Variants in MXI1 observed in about 807,000 individuals in gnomAD.
The protein encoded by MXI1 is MAX interactor 1, dimerization protein, also known as max-interacting protein 1.
In MXI1, 18 loss-of-function variants were observed where a neutral mutation model predicts 36.9. That is an observed-to-expected ratio of 0.49 (90% confidence interval 0.34 to 0.72). The LOEUF is 0.72. Ranked by LOEUF, MXI1 falls within the 30% of genes least tolerant of loss-of-function variation. The pLI is 0.01. For missense variants in MXI1, 304 were observed against 379.1 expected (o/e 0.80, Z 1.64); for synonymous variants, 160 against 146.7 (o/e 1.09, Z -0.65).
At chr10:110,268,691 G>A (rs1365450652) in intron 3 of MXI1, among the ~76,000 whole-genome samples, 1 of 151,892 alleles carries the variant, frequency 6.6e-6, no homozygotes, top group Non-Finnish European at 1.5e-5. Flanking sequence ...GCCAGGTGTT[G>A]TGTTATGCTA....
At chr10:110,221,946 G>T (rs1854820731) in intron 1 of MXI1, among the ~76,000 whole-genome samples, 1 of 152,192 alleles carries the variant, frequency 6.6e-6, no homozygotes, top group African/African-American at 2.4e-5. Flanking sequence ...TACCTCTCGG[G>T]TTTAGCATTA....
chr10:110,226,412 A>C (rs1381559639), intron 1 of MXI1: 8 of 675,288 alleles, frequency 1.2e-5, no homozygotes, highest in Non-Finnish European at 1.4e-5. Context: ...ATGTGAGGGG[A>C]GGGGTGTGCG....
intron 3 of MXI1, among the ~76,000 whole-genome samples, chr10:110,260,419 GT>G (rs1564720399): frequency 6.0e-3 from 49 of 8,126 alleles, no homozygotes; most frequent in East Asian, 0.077. Flanking sequence ...TGATACAGGT[GT>G]GTGTGTGTGT....
intron 2 of MXI1, among the ~76,000 whole-genome samples, chr10:110,234,587 A>G (rs1855391313): frequency 1.3e-5 from 2 of 152,060 alleles, no homozygotes; most frequent in South Asian, 4.1e-4. Flanking sequence ...TTTTTCCCCC[A>G]ACAGTTATTT....
chr10:110,285,120 C>G lies in MXI1; in HGVS notation c.*133C>G, dbSNP rs1348460070. ...AAAACAAAACAAAACTATACTTGAA[C>G]AAAAGGGTCAGAGGACCTGTATTTA... On this transcript the variant is annotated 3_prime_UTR_variant, in exon 6 of 6. Transcript: ENST00000332674. 1.1e-6 allele frequency: 1 copy of G among 894,592 alleles called. No homozygotes were observed. Among genetic ancestry groups the G allele is most frequent in the African/African-American group, 1.7e-5 (1 of 57,708 alleles). 55.4% of individuals were successfully genotyped at this position (894,592 alleles called of 1,614,324 possible). A position where few individuals can be genotyped will look rare whatever the true frequency, so the allele number is the denominator to read the frequency against.
intron 3 of MXI1, among the ~76,000 whole-genome samples, chr10:110,272,618 C>G (rs960580107): frequency 1.3e-5 from 2 of 151,892 alleles, no homozygotes; most frequent in Admixed American, 1.3e-4. Context: ...TGCATCTCAA[C>G]CATTTTAATT....
At chr10:110,235,784 GC>G (rs1233138264) in intron 2 of MXI1, among the ~76,000 whole-genome samples, 5 of 151,966 alleles carry the variant, frequency 3.3e-5, no homozygotes, top group African/African-American at 1.2e-4. Context: ...GCCGAGGCAG[GC>G]GGATCATGAG....
chr10:110,211,478 G>A (rs1854514682), intron 1 of MXI1, among the ~76,000 whole-genome samples: 1 of 152,236 alleles, frequency 6.6e-6, no homozygotes, highest in South Asian at 2.1e-4. Context: ...TCCATTTCGG[G>A]TTCGGTGAGA....
intron 1 of MXI1, among the ~76,000 whole-genome samples, chr10:110,210,042 C>T (rs1174248470): frequency 2.9e-5 from 4 of 138,572 alleles, no homozygotes; most frequent in Admixed American, 7.0e-5. Flanking sequence ...CCCCACCCCC[C>T]ACCCCCCACC....
chr10:110,277,541 A>G (rs968220196), intron 3 of MXI1, among the ~76,000 whole-genome samples: 6 of 152,208 alleles, frequency 3.9e-5, no homozygotes, highest in Non-Finnish European at 8.8e-5. Context: ...AAATTTTGTT[A>G]AAGGTTCTAT....
chr10:110,228,114 G>C (rs1360880333), intron 1 of MXI1, 75 bp from the exon 2 acceptor site: 2 of 1,545,040 alleles, frequency 1.3e-6, no homozygotes, highest in African/African-American at 2.7e-5. Flanking sequence ...TTACTGCAAA[G>C]ACCTCGGATT....
intron 2 of MXI1, among the ~76,000 whole-genome samples, chr10:110,241,770 T>C (rs573154344): frequency 1.3e-5 from 2 of 151,974 alleles, no homozygotes; most frequent in Non-Finnish European, 2.9e-5. Flanking sequence ...ATAATTTTAG[T>C]CTTTTAAAAA....
chr10:110,208,372 T>C, intron 1 of MXI1: 1 of 265,926 alleles, frequency 3.8e-6, no homozygotes, highest in Non-Finnish European at 7.2e-6. Context: ...TGTTGTTGTT[T>C]GCTGACAACT....
chr10:110,256,080 A>G (rs1405121920), intron 3 of MXI1, among the ~76,000 whole-genome samples: 1 of 152,194 alleles, frequency 6.6e-6, no homozygotes, highest in Non-Finnish European at 1.5e-5. Context: ...CAACAAATAG[A>G]GCGGACACAA....
At chr10:110,215,496 C>G (rs932038407) in intron 1 of MXI1, among the ~76,000 whole-genome samples, 1 of 152,144 alleles carries the variant, frequency 6.6e-6, no homozygotes, top group African/African-American at 2.4e-5. Context: ...GAGGCAGAAC[C>G]AGGTCCTTCT....
rs767747605 is a variant in MXI1 at position 110,279,301 on chromosome 10, AT to A, written c.552+12del. 62 of 1,610,902 alleles carry A rather than the reference AT, an allele frequency of 3.8e-5. No individual in the cohort carries two copies. Among genetic ancestry groups the A allele is most frequent in the Admixed American group, 3.3e-5 (2 of 59,968 alleles). On this transcript the variant is annotated splice_region_variant and intron_variant, in intron 4 of 5. Transcript: ENST00000332674. ...AGCCAAAGCACACATCAAGGTGAGAATTTTTACTTTCAGATTTGCACAATTC... is the reference window on the plus strand; with the variant it reads ...AGCCAAAGCACACATCAAGGTGAGAATTTTACTTTCAGATTTGCACAATTC...
chr10:110,285,088 AC>A lies in MXI1; in HGVS notation c.*102del. The A allele has an allele frequency of 4.1e-6, 1 of 246,826 alleles. No homozygotes were observed. 15.3% of individuals were successfully genotyped at this position (246,826 alleles called of 1,614,324 possible). On this transcript the variant is annotated 3_prime_UTR_variant, in exon 6 of 6. Coordinates refer to ENST00000332674, the MANE Select transcript of MXI1 (RefSeq NM_130439.3). ...TTCATGATGCAGTCTCCTCTTTAAAACAAAACAAAACAAAACAAAACTATAC... is the reference window on the plus strand; with the variant it reads ...TTCATGATGCAGTCTCCTCTTTAAAAAAAACAAAACAAAACAAAACTATAC...
chr10:110,235,701 AT>A (rs1171292946), intron 2 of MXI1, among the ~76,000 whole-genome samples: 80 of 150,878 alleles, frequency 5.3e-4, no homozygotes, highest in Middle Eastern at 3.5e-3. Context: ...AAATAAATAA[AT>A]AAATAAATAA....
At chr10:110,250,829 CAAAAAAAA>C (rs113320766) in intron 3 of MXI1, among the ~76,000 whole-genome samples, 1 of 101,692 alleles carries the variant, frequency 9.8e-6, no homozygotes, top group Non-Finnish European at 2.1e-5. Flanking sequence ...AAGACTTTGT[CAAAAAAAA>C]AAAAAAAAAA....
Sources: gnomAD v4.1 joint callset for allele counts (sites outside exome capture counted in the v4.1 genomes callset) on GRCh38, gnomAD v4.1.1 for gene constraint, MANE v1.5 for transcripts, NCBI Gene and HGNC (gene_info 2026-07-23, HGNC 2026-07-21) for gene names.